The following PSMD5 variants were observed in gnomAD, a reference collection of about 807,000 sequenced individuals.
The protein encoded by PSMD5 is proteasome 26S subunit, non-ATPase 5, also known as 26S proteasome non-ATPase regulatory subunit 5.
Under a neutral mutation model 52.1 loss-of-function variants are expected in PSMD5, and 40 were observed. The observed-to-expected ratio is 0.77, with a 90% CI of 0.60 to 1.00. The LOEUF (loss-of-function observed/expected upper bound fraction) is 1.00. Ranked by LOEUF, PSMD5 falls within the 50% of genes least tolerant of loss-of-function variation. The pLI is 0.00. For missense variants in PSMD5, 575 were observed against 605.2 expected, an observed-to-expected ratio of 0.95 and a Z score of 0.52; for synonymous variants, 211 against 226.6, an observed-to-expected ratio of 0.93 and a Z score of 0.62.
At chr9:120,841,698 C>G (rs182545634) in intron 1 of PSMD5, 1 of 152,170 alleles carries the variant, frequency 6.6e-6, no homozygotes, top group Non-Finnish European at 1.5e-5. Flanking sequence ...AGAGTAATAG[C>G]GCATAATTTG....
intron 5 of PSMD5, 49 bp from the exon 6 acceptor site, chr9:120,826,956 A>C: frequency 6.5e-7 from 1 of 1,548,350 alleles, no homozygotes; most frequent in Non-Finnish European, 8.8e-7. Flanking sequence ...CAGGATTTGC[A>C]TAGTTTATAA....
In PSMD5 at chr9:120,835,293, C is replaced by T. The variant is rs1375795171; in HGVS notation, c.174-1837G>A. On this transcript the variant is annotated intron_variant, in intron 1 of 9. Transcript: ENST00000210313. ...ATGAATATTATTCAGCCATAAAAAG[C>T]AATGAAGTAATGATACATATCACAA... 2.0e-5 allele frequency among the ~76,000 whole-genome samples: 3 copies of T among 151,974 alleles called. No homozygotes were observed. In the East Asian group the frequency reaches 5.8e-4, roughly 29 times the overall value.
In PSMD5 at chr9:120,826,760, C is replaced by T. The variant is rs1217105217; in HGVS notation, c.814+5G>A. 1.2e-5 allele frequency: 19 copies of T among 1,613,246 alleles called. No homozygotes were observed. The highest frequency in any genetic ancestry group is 1.6e-5 in the Non-Finnish European group (19 of 1,179,458). ...ATCATTTCCATAGGCATCAGTGTTC[C>T]TTACCTGGCAGATAGAAGCTAGAGA... is the stretch of plus-strand genomic sequence containing the variant. On this transcript the variant is annotated splice_donor_5th_base_variant and intron_variant, in intron 6 of 9. Coordinates refer to ENST00000210313, the MANE Select transcript of PSMD5 (RefSeq NM_005047.4).
chr9:120,832,028 C>G (rs1411338647), intron 2 of PSMD5, 83 bp from the exon 3 acceptor site: 11 of 1,525,404 alleles, frequency 7.2e-6, no homozygotes, highest in Non-Finnish European at 5.2e-6. Flanking sequence ...CCTTAGTGCA[C>G]AGTTATTTTA....
At position 120,826,911 on chromosome 9, in the gene PSMD5, A is replaced by C; in HGVS notation, c.672-4T>G. On this transcript the variant is annotated splice_region_variant and splice_polypyrimidine_tract_variant and intron_variant, in intron 5 of 9. Transcript: ENST00000210313. ...CACCATTTCTATACAGGTGGCTCTA[A>C]AATGTCAGAAGGACAAAAACAAGGA... The C allele has an allele frequency of 1.2e-6, 2 of 1,607,098 alleles. No individual in the cohort carries two copies. The highest frequency in any genetic ancestry group is 1.7e-4 in the Middle Eastern group (1 of 6,030).
chr9:120,824,197 G>T, intron 7 of PSMD5: 1 of 374,098 alleles, frequency 2.7e-6, no homozygotes, highest in Non-Finnish European at 4.9e-6. Flanking sequence ...TTTGTACCAT[G>T]AAATCTAGTC....
chr9:120,829,831 TGTCAGTCAGTCA>T (rs528599434), intron 4 of PSMD5, among the ~76,000 whole-genome samples: 12 of 152,190 alleles, frequency 7.9e-5, no homozygotes, highest in Non-Finnish European at 1.6e-4. Flanking sequence ...TCAGGCATCC[TGTCAGTCAGTCA>T]GTCAGTCATT....
intron 1 of PSMD5, among the ~76,000 whole-genome samples, chr9:120,838,563 T>C (rs2045213734): frequency 6.6e-6 from 1 of 152,202 alleles, no homozygotes; most frequent in Admixed American, 6.5e-5. Flanking sequence ...CCAGATACTA[T>C]CCAGAGAATT....
At position 120,824,687 on chromosome 9, in the gene PSMD5, TAAA is replaced by T. The variant is rs1564474900; in HGVS notation, c.815-5_815-3del. 6.3e-7 allele frequency: 1 copy of T among 1,588,948 alleles called. No homozygotes were observed. Among genetic ancestry groups the T allele is most frequent in the Admixed American group, 1.9e-5 (1 of 53,978 alleles). On this transcript the variant is annotated splice_polypyrimidine_tract_variant and splice_region_variant and intron_variant, in intron 6 of 9. Coordinates refer to ENST00000210313, the MANE Select transcript of PSMD5 (RefSeq NM_005047.4). ...GGTTTCCAAAAAACTTCACGAATCC[TAAA>T]GAGATTTACAAAAATATATTTTAAT...
chr9:120,816,566 A>G lies in PSMD5; in HGVS notation c.*1340T>C, dbSNP rs532080794. The G allele has an allele frequency of 1.1e-4, 16 of 152,348 alleles. No individual in the cohort carries two copies. Among genetic ancestry groups the G allele is most frequent in the Admixed American group, 5.9e-4 (9 of 15,296 alleles). 9.4% of individuals were successfully genotyped at this position (152,348 alleles called of 1,614,324 possible). On this transcript the variant is annotated 3_prime_UTR_variant, in exon 10 of 10. Coordinates refer to ENST00000210313, the MANE Select transcript of PSMD5 (RefSeq NM_005047.4). ...GTCACGTTGCCAGGGGAGATGATCAATCTGGGGACTAGATAATTCCAGTCA... is the reference window on the plus strand; with the variant it reads ...GTCACGTTGCCAGGGGAGATGATCAGTCTGGGGACTAGATAATTCCAGTCA...
At chr9:120,828,322 T>TTCTA (rs71266571) in intron 5 of PSMD5, among the ~76,000 whole-genome samples, 28,242 of 151,886 alleles carry the variant, frequency 0.19, 3,142 homozygotes, top group African/African-American at 0.3. Flanking sequence ...TTAGTTACTG[T>TTCTA]TCTGAGAGAT....
At position 120,824,489 on chromosome 9, in the gene PSMD5, C is replaced by G. The variant is rs1564474787; in HGVS notation, c.1006+5G>C. The G allele has an allele frequency of 6.2e-7, 1 of 1,614,018 alleles. No individual in the cohort carries two copies. Among genetic ancestry groups the G allele is most frequent in the Non-Finnish European group, 8.5e-7 (1 of 1,179,922 alleles). On this transcript the variant is annotated splice_donor_5th_base_variant and intron_variant, in intron 7 of 9. Transcript: ENST00000210313. ...TATCCCTGAACAGGGCCAAGTCATA[C>G]CAACCTGTTTTCTGTAAAACCTGTT...
chr9:120,842,693 A>G (rs1211555673), intron 1 of PSMD5, 44 bp downstream of exon 1: 1 of 1,606,736 alleles, frequency 6.2e-7, no homozygotes, highest in Non-Finnish European at 8.5e-7. Context: ...GTCCATATTT[A>G]GGGGTGCCCC....
chr9:120,833,476 T>A lies in PSMD5; in HGVS notation c.174-20A>T. The A allele has an allele frequency of 6.2e-7, 1 of 1,607,180 alleles. No homozygotes were observed. Among genetic ancestry groups the A allele is most frequent in the East Asian group, 2.2e-5 (1 of 44,748 alleles). ...TTTTCCCTGAAGGAGACATCATAAA[T>A]CTTATTAGTTCATATCCTGCCCAGG... On this transcript the variant is annotated intron_variant, in intron 1 of 9. Coordinates refer to ENST00000210313, the MANE Select transcript of PSMD5 (RefSeq NM_005047.4).
At position 120,824,529 on chromosome 9, in the gene PSMD5, G is replaced by C. The variant is rs764023748; in HGVS notation, c.971C>G (p.Ser324Cys). The change falls in exon 7 of 10, where the codon TCC (serine) becomes TGC (cysteine). Residue 324 changes from serine to cysteine, a missense_variant. By Grantham distance (112) the Ser-to-Cys change is moderately radical (BLOSUM62 -1). Coordinates refer to ENST00000210313, the MANE Select transcript of PSMD5 (RefSeq NM_005047.4). ...VAVDTVGILG[S>C]NVEGKQVLQK... Reference sequence around the variant, plus strand: ...TAAAACCTGTTTTCCTTCAACATTGGATCCCAAGATTCCAACTGTGTCTAC... The same window carrying C: ...TAAAACCTGTTTTCCTTCAACATTGCATCCCAAGATTCCAACTGTGTCTAC... The C allele has an allele frequency of 6.2e-7, 1 of 1,614,052 alleles. No individual in the cohort carries two copies. Among genetic ancestry groups the C allele is most frequent in the Non-Finnish European group, 8.5e-7 (1 of 1,180,012 alleles).
In PSMD5 at chr9:120,831,324, A is replaced by G; in HGVS notation, c.561+7T>C. The G allele has an allele frequency of 6.3e-7, 1 of 1,578,180 alleles. No individual in the cohort carries two copies. Among genetic ancestry groups the G allele is most frequent in the Non-Finnish European group, 8.6e-7 (1 of 1,166,338 alleles). On this transcript the variant is annotated splice_region_variant and intron_variant, in intron 4 of 9. Transcript: ENST00000210313. ...GTAAGCATGAGAAAGTGTGCTTTTT[A>G]TCTTACCTCATACACCCTGTATCGA...
chr9:120,818,387 A>G (rs1413357570), intron 9 of PSMD5, among the ~76,000 whole-genome samples: 4 of 152,214 alleles, frequency 2.6e-5, no homozygotes, highest in Admixed American at 2.6e-4. Flanking sequence ...CAATATAAAT[A>G]TCTAATAATG....
rs1452742224 is a variant in PSMD5 at position 120,831,859 on chromosome 9, A to C, written c.405T>G (p.Gly135=). 6.2e-7 allele frequency: 1 copy of C among 1,613,464 alleles called. No individual in the cohort carries two copies. ...CTTTTGCTACAGATAGATTCTCTCC[A>C]CCAATGCAATAAACAATTTGTTTTA... The part of the protein sequence containing the change: ...ELLKQIVYCI[G]GENLSVAKAA... The change falls in exon 3 of 10, where the codon GGT becomes GGG. Residue 135 remains glycine (G), a synonymous_variant. Coordinates refer to ENST00000210313, the MANE Select transcript of PSMD5 (RefSeq NM_005047.4).
At position 120,829,226 on chromosome 9, in the gene PSMD5, A is replaced by G; in HGVS notation, c.562-18T>C. 6.4e-7 allele frequency: 1 copy of G among 1,562,842 alleles called. No individual in the cohort carries two copies. ...ATAATTAGCTGAAATAAAAAAAAAA[A>G]CACAGAAAAAAGAAAAAGGTCAAAT... On this transcript the variant is annotated intron_variant, in intron 4 of 9. Transcript: ENST00000210313.
Sources: allele counts gnomAD v4.1 joint callset (sites outside exome capture counted in the v4.1 genomes callset), GRCh38; gene constraint gnomAD v4.1.1; transcripts MANE v1.5; gene names NCBI Gene and HGNC (gene_info 2026-07-23, HGNC 2026-07-21).